Variants in PPP1R1B observed in about 807,000 individuals in gnomAD.
PPP1R1B encodes the protein protein phosphatase 1 regulatory subunit 1B.
Under a neutral mutation model 28.2 loss-of-function variants are expected in PPP1R1B, and 13 were observed. The observed-to-expected ratio is 0.46, with a 90% CI of 0.30 to 0.73. PPP1R1B has a LOEUF of 0.73. Among genes scored for constraint, PPP1R1B ranks in the 30% least tolerant of loss-of-function variants. The pLI, the probability that PPP1R1B is intolerant of heterozygous loss-of-function variation, is 0.07. For synonymous variants in PPP1R1B, 102 were observed against 97.5 expected (o/e 1.05, Z -0.27); for missense variants, 236 against 256.7 (o/e 0.92, Z 0.55).
chr17:39,635,766 A>C, intron 6 of PPP1R1B, 40 bp downstream of exon 6: 3 of 1,612,136 alleles, frequency 1.9e-6, no homozygotes, highest in Non-Finnish European at 2.5e-6. Flanking sequence ...AGGGGCTGGG[A>C]TCTTGGTGGG....
chr17:39,627,496 C>G, intron 1 of PPP1R1B, 23 bp downstream of exon 1: 1 of 1,437,938 alleles, frequency 7.0e-7, no homozygotes, highest in South Asian at 1.2e-5. Flanking sequence ...TGCCCCACCC[C>G]GGCAGCGTAC....
intron 5 of PPP1R1B, 66 bp downstream of exon 5, chr17:39,634,152 C>T (rs1167369253): frequency 1.3e-6 from 2 of 1,591,786 alleles, no homozygotes; most frequent in East Asian, 2.2e-5. Context: ...GAGGACGTCC[C>T]CTTCTAGTTC....
chr17:39,635,053 A>T (rs1485591418), intron 5 of PPP1R1B, among the ~76,000 whole-genome samples: 1 of 152,160 alleles, frequency 6.6e-6, no homozygotes, highest in Admixed American at 6.5e-5. Flanking sequence ...AAAATTAGCC[A>T]GGCACAGTGG....
At position 39,627,407 on chromosome 17, in the gene PPP1R1B, C is replaced by T. The variant is rs1417030231; in HGVS notation, c.15C>T (p.Asp5=). ...CCCCGCGCGCCATGGACCCCAAGGA[C>T]CGCAAGAAGATCCAGTTCTCGGTGC... MDPK[D]RKKIQFSVPA... The change falls in exon 1 of 7, where the codon GAC becomes GAT. Residue 5 remains aspartate (D), a synonymous_variant. Transcript: ENST00000254079. 16 of 1,604,378 alleles carry T rather than the reference C, an allele frequency of 1.0e-5. No homozygotes were observed. In the Admixed American group the frequency reaches 2.5e-4, roughly 25 times the overall value.
At chr17:39,635,342 G>A (rs1396500245) in intron 5 of PPP1R1B, among the ~76,000 whole-genome samples, 7 of 152,190 alleles carry the variant, frequency 4.6e-5, no homozygotes, top group African/African-American at 1.7e-4. Context: ...CTGGCGCTGG[G>A]CTGGGCAGGG....
chr17:39,634,082 G>A lies in PPP1R1B; in HGVS notation c.441G>A (p.Gln147=). 5.6e-6 allele frequency: 9 copies of A among 1,613,788 alleles called. No homozygotes were observed. Among genetic ancestry groups the A allele is most frequent in the Non-Finnish European group, 7.6e-6 (9 of 1,179,936 alleles). The part of the protein sequence containing the change: ...SQAEVLKVIR[Q]SAGQKTTCGQ... Reference sequence around the variant, plus strand: ...CTGAAGTCCTGAAGGTCATCAGGCAGTCTGGTAAGCTGAGGGGCCTGTGAC... The same window carrying A: ...CTGAAGTCCTGAAGGTCATCAGGCAATCTGGTAAGCTGAGGGGCCTGTGAC... Residue 147 remains glutamine (Q), a synonymous_variant, in exon 5 of 7, where the codon CAG becomes CAA. Transcript: ENST00000254079.
At chr17:39,634,201 G>A in intron 5 of PPP1R1B, 115 bp downstream of exon 5, 3 of 1,322,178 alleles carry the variant, frequency 2.3e-6, no homozygotes, top group South Asian at 2.6e-5. Context: ...CACCACAGGG[G>A]CCTCCCTGTC....
At chr17:39,630,559 G>T (rs1317049015) in intron 4 of PPP1R1B, 1 of 158,286 alleles carries the variant, frequency 6.3e-6, no homozygotes, top group East Asian at 1.8e-4. Flanking sequence ...GCCAGGCCAA[G>T]TTGGTGGGCA....
At chr17:39,628,146 G>A (rs765847602) in intron 1 of PPP1R1B, among the ~76,000 whole-genome samples, 2 of 152,092 alleles carry the variant, frequency 1.3e-5, no homozygotes, top group Non-Finnish European at 2.9e-5. Flanking sequence ...CGGGTGCTGT[G>A]ACAGAGAGCT....
rs1041234707 is a variant in PPP1R1B, at chr17:39,627,361, G to T, written c.-32G>T. The T allele has an allele frequency of 6.6e-7, 1 of 1,516,150 alleles. No individual in the cohort carries two copies. The allele number at this position is 1,516,150 out of a possible 1,614,324, so 93.9% of individuals were successfully genotyped here. On this transcript the variant is annotated 5_prime_UTR_variant, in exon 1 of 7. Coordinates refer to ENST00000254079, the MANE Select transcript of PPP1R1B (RefSeq NM_032192.4). ...GACCGCCGCCGGGACCCCGAGTCGC[G>T]CACCCCAGCCCCACCGCCCACCCCG...
rs531460071 is a variant in PPP1R1B, at chr17:39,630,194, A to AT, written c.241+153dup. 2.2e-4 allele frequency: 156 copies of AT among 718,644 alleles called. 3 individuals carry two copies. Among genetic ancestry groups the AT allele is most frequent in the South Asian group, 2.1e-3 (124 of 58,728 alleles). 44.5% of individuals were successfully genotyped at this position (718,644 alleles called of 1,614,324 possible). A position where few individuals can be genotyped will look rare whatever the true frequency, so the allele number is the denominator to read the frequency against. On this transcript the variant is annotated intron_variant, in intron 4 of 6. Transcript: ENST00000254079. ...GCGCAACAACCCAACGTAAAGACCA[A>AT]TTTTTTCTCAGTCTGGCCTTGCAAA...
chr17:39,634,576 G>A (rs940196894), intron 5 of PPP1R1B, among the ~76,000 whole-genome samples: 15 of 152,216 alleles, frequency 9.9e-5, no homozygotes, highest in Admixed American at 9.2e-4. Context: ...CTAGGATGGA[G>A]TGGGAGGGTG....
rs1253254924 is a variant in PPP1R1B, at chr17:39,633,918, A to C, written c.277A>C (p.Ile93Leu). 6.2e-7 allele frequency: 1 copy of C among 1,613,864 alleles called. No individual in the cohort carries two copies. The highest frequency in any genetic ancestry group is 8.5e-7 in the Non-Finnish European group (1 of 1,179,860). ...QRIAESHLQS[I>L]SNLNENQASE... is the part of the protein sequence containing the mutation. ...CATTGCTGAGTCTCACCTGCAGTCT[A>C]TCAGCAATTTGAATGAGAACCAGGC... The change falls in exon 5 of 7, where the codon ATC becomes CTC. Residue 93 changes from isoleucine to leucine, a missense_variant. Transcript: ENST00000254079.
At chr17:39,634,142 G>A (rs993366076) in intron 5 of PPP1R1B, 56 bp downstream of exon 5, 7 of 1,603,032 alleles carry the variant, frequency 4.4e-6, no homozygotes, top group East Asian at 2.2e-5. Context: ...TTGAGTATAC[G>A]AGGACGTCCC....
At chr17:39,633,716 C>A in intron 4 of PPP1R1B, 167 bp from the exon 5 acceptor site, 1 of 1,201,446 alleles carries the variant, frequency 8.3e-7, no homozygotes, top group Non-Finnish European at 1.1e-6. Context: ...TGGTCTGACA[C>A]CCATCAGGCT....
At chr17:39,631,507 C>G (rs192248372) in intron 4 of PPP1R1B, among the ~76,000 whole-genome samples, 57 of 152,338 alleles carry the variant, frequency 3.7e-4, no homozygotes, top group South Asian at 1.2e-3. Context: ...ACCAACCCCC[C>G]ACCTCAACTC....
chr17:39,629,863 G>T, intron 3 of PPP1R1B, 109 bp from the exon 4 acceptor site: 3 of 1,179,458 alleles, frequency 2.5e-6, no homozygotes, highest in Middle Eastern at 2.0e-4. Context: ...GGACCCATTA[G>T]CAGTGGCTAA....
rs73308310 is a variant in PPP1R1B at position 39,628,662 on chromosome 17, G to A, written c.82-508G>A. On this transcript the variant is annotated intron_variant, in intron 1 of 6. Coordinates refer to ENST00000254079, the MANE Select transcript of PPP1R1B (RefSeq NM_032192.4). ...CAGTGCGCTGGCTCAGTCTCCTTCT[G>A]AAAAGCTGGATCCAGCTTGTTTGAA... The A allele has an allele frequency of 3.3e-3, 3,262 of 986,894 alleles. 93 individuals carry two copies. The African/African-American group carries it at 0.053, about 16-fold the overall frequency. 61.1% of individuals were successfully genotyped at this position (986,894 alleles called of 1,614,324 possible).
Position 39,627,382 on chromosome 17 carries a change from C to A in PPP1R1B, c.-11C>A. On this transcript the variant is annotated 5_prime_UTR_variant, in exon 1 of 7. Transcript: ENST00000254079. ...TCGCGCACCCCAGCCCCACCGCCCA[C>A]CCCGCGCGCCATGGACCCCAAGGAC... 1 of 1,595,346 alleles carries A rather than the reference C, an allele frequency of 6.3e-7. No homozygotes were observed. Among genetic ancestry groups the A allele is most frequent in the Non-Finnish European group, 8.5e-7 (1 of 1,171,650 alleles).
Sources: gnomAD v4.1 joint callset for allele counts (sites outside exome capture counted in the v4.1 genomes callset) on GRCh38, gnomAD v4.1.1 for gene constraint, MANE v1.5 for transcripts, NCBI Gene and HGNC (gene_info 2026-07-23, HGNC 2026-07-21) for gene names.